Variants in NKAIN2 observed in about 807,000 individuals in gnomAD.
The protein encoded by NKAIN2 is sodium/potassium-transporting ATPase subunit beta-1-interacting protein 2.
A neutral mutation model predicts 32.6 loss-of-function variants in NKAIN2; 14 were observed. The ratio of observed to expected loss-of-function variants is 0.43; its 90% CI spans 0.28 to 0.67. The LOEUF (loss-of-function observed/expected upper bound fraction) is 0.67, where lower values mean the gene tolerates loss of function less well. NKAIN2 is among the 30% of genes least tolerant of loss of function. The probability of loss-of-function intolerance (pLI) is 0.17; values close to 1 mark genes in which losing one functional copy is unlikely to be tolerated. For missense variants in NKAIN2, 198 were observed against 258.3 expected (o/e 0.77, Z 1.60); for synonymous variants, 80 against 87.2 (o/e 0.92, Z 0.46).
At chr6:124,112,495 G>A (rs150736373) in intron 1 of NKAIN2, among the ~76,000 whole-genome samples, 7 of 152,118 alleles carry the variant, frequency 4.6e-5, no homozygotes, top group East Asian at 3.9e-4. Context: ...CAAAATTCTC[G>A]TTTGTCTTTG....
chr6:123,960,604 C>G (rs1274804576), intron 1 of NKAIN2, among the ~76,000 whole-genome samples: 1 of 151,874 alleles, frequency 6.6e-6, no homozygotes, highest in Non-Finnish European at 1.5e-5. Context: ...TTCAATAGCT[C>G]TTCACCTCCC....
intron 1 of NKAIN2, among the ~76,000 whole-genome samples, chr6:124,195,700 ATCAT>A (rs1790281287): frequency 6.6e-6 from 1 of 152,130 alleles, no homozygotes; most frequent in African/African-American, 2.4e-5. Context: ...GGAAAAGTAA[ATCAT>A]TCCATGATCT....
chr6:123,931,310 A>G (rs1056805276), intron 1 of NKAIN2, among the ~76,000 whole-genome samples: 4 of 151,732 alleles, frequency 2.6e-5, no homozygotes, highest in Admixed American at 1.3e-4. Flanking sequence ...CCCTTTTTTT[A>G]CCCTTTCTGA....
chr6:124,577,883 C>A (rs1409346790), intron 3 of NKAIN2, among the ~76,000 whole-genome samples: 5 of 152,116 alleles, frequency 3.3e-5, no homozygotes, highest in African/African-American at 9.7e-5. Flanking sequence ...CACAGTAGGA[C>A]AGAGCACCAG....
intron 1 of NKAIN2, among the ~76,000 whole-genome samples, chr6:124,178,350 C>G (rs1011180295): frequency 3.3e-5 from 5 of 149,746 alleles, no homozygotes; most frequent in Non-Finnish European, 7.4e-5. Flanking sequence ...CAGGCTGGAG[C>G]GCAGTGGCAT....
At chr6:123,872,398 C>A (rs2114288546) in intron 1 of NKAIN2, among the ~76,000 whole-genome samples, 1 of 152,370 alleles carries the variant, frequency 6.6e-6, no homozygotes, top group East Asian at 1.9e-4. Flanking sequence ...ATTTTAGTCA[C>A]TGGGTAATGG....
chr6:124,616,142 T>C (rs187488824), intron 3 of NKAIN2, among the ~76,000 whole-genome samples: 82 of 152,256 alleles, frequency 5.4e-4, no homozygotes, highest in Admixed American at 2.7e-3. Flanking sequence ...CCAAACTCTA[T>C]CCTCTTCTTC....
chr6:123,806,163 A>G (rs1446116441), intron 1 of NKAIN2, among the ~76,000 whole-genome samples: 2 of 152,144 alleles, frequency 1.3e-5, no homozygotes, highest in South Asian at 2.1e-4. Flanking sequence ...GAGTTGCACC[A>G]TCACTTATGA....
chr6:124,677,047 C>A (rs1052078530), intron 4 of NKAIN2, among the ~76,000 whole-genome samples: 1 of 152,148 alleles, frequency 6.6e-6, no homozygotes, highest in Non-Finnish European at 1.5e-5. Context: ...CGGCTCACTG[C>A]AACCTCTGCC....
At chr6:124,138,671 TTA>T (rs1432745207) in intron 1 of NKAIN2, among the ~76,000 whole-genome samples, 2 of 147,576 alleles carry the variant, frequency 1.4e-5, no homozygotes, top group Non-Finnish European at 3.0e-5. Context: ...ATATTATTAA[TTA>T]TGTTATATAA....
intron 3 of NKAIN2, among the ~76,000 whole-genome samples, chr6:124,452,402 T>C (rs1260285577): frequency 6.6e-6 from 1 of 151,996 alleles, no homozygotes; most frequent in African/African-American, 2.4e-5. Flanking sequence ...CATTGAAACT[T>C]CTATTGGGGT....
chr6:124,316,555 A>G (rs1796961235), intron 2 of NKAIN2, among the ~76,000 whole-genome samples: 2 of 152,164 alleles, frequency 1.3e-5, no homozygotes, highest in South Asian at 4.1e-4. Context: ...TAATTTTATG[A>G]TCTGATATTC....
At chr6:124,465,513 G>A (rs1776710922) in intron 3 of NKAIN2, among the ~76,000 whole-genome samples, 3 of 151,794 alleles carry the variant, frequency 2.0e-5, no homozygotes, top group Non-Finnish European at 4.4e-5. Flanking sequence ...ACAGCATTAG[G>A]AGAAATACCT....
At chr6:124,549,633 A>T (rs1438390670) in intron 3 of NKAIN2, among the ~76,000 whole-genome samples, 3 of 151,288 alleles carry the variant, frequency 2.0e-5, no homozygotes, top group Admixed American at 6.5e-5. Context: ...TTTAGTTGTC[A>T]TGATGCCTTC....
intron 4 of NKAIN2, among the ~76,000 whole-genome samples, chr6:124,693,781 G>A (rs73770538): frequency 0.064 from 9,737 of 152,154 alleles, 459 homozygotes; most frequent in African/African-American, 0.13. Context: ...TCCAGATGCT[G>A]GATGTGGATG....
At chr6:124,210,322 C>T (rs1421081798) in intron 1 of NKAIN2, among the ~76,000 whole-genome samples, 1 of 151,856 alleles carries the variant, frequency 6.6e-6, no homozygotes, top group Non-Finnish European at 1.5e-5. Flanking sequence ...CAGCACCATG[C>T]TGTTTCGATT....
intron 3 of NKAIN2, among the ~76,000 whole-genome samples, chr6:124,572,735 T>G (rs1176558717): frequency 6.6e-6 from 1 of 152,236 alleles, no homozygotes; most frequent in Non-Finnish European, 1.5e-5. Context: ...AATATCAAGA[T>G]ATTTTATAAA....
At chr6:124,675,633 T>G (rs1190218495) in intron 4 of NKAIN2, among the ~76,000 whole-genome samples, 1 of 152,078 alleles carries the variant, frequency 6.6e-6, no homozygotes, top group African/African-American at 2.4e-5. Context: ...TCTAATTTGT[T>G]GCTGTATAAT....
At chr6:124,226,330 G>A (rs1792105717) in intron 1 of NKAIN2, among the ~76,000 whole-genome samples, 3 of 151,876 alleles carry the variant, frequency 2.0e-5, no homozygotes, top group Admixed American at 2.0e-4. Context: ...CTGCCTATTT[G>A]TATATAAAGT....
Sources: gnomAD v4.1 joint callset for allele counts (sites outside exome capture counted in the v4.1 genomes callset) on GRCh38, gnomAD v4.1.1 for gene constraint, MANE v1.5 for transcripts, NCBI Gene and HGNC (gene_info 2026-07-23, HGNC 2026-07-21) for gene names.